FBXL22: variants seen among roughly 807,000 people sequenced by gnomAD.
The protein encoded by FBXL22 is F-box and leucine rich repeat protein 22.
Under a neutral mutation model 11.7 loss-of-function variants are expected in FBXL22, and 13 were observed. That is an observed-to-expected ratio of 1.11 (90% CI 0.73 to 1.77). The LOEUF (loss-of-function observed/expected upper bound fraction) is 1.77. Among genes scored for constraint, FBXL22 ranks in the 40% most tolerant of loss-of-function variants. FBXL22 has a pLI of 0.00. For synonymous variants in FBXL22, 160 were observed against 144.1 expected (o/e 1.11, Z -0.79); for missense variants, 406 against 320.4 (o/e 1.27, Z -2.04).
intron 1 of FBXL22, chr15:63,599,129 G>C: frequency 2.2e-6 from 3 of 1,348,860 alleles, no homozygotes; most frequent in Non-Finnish European, 3.1e-6. Context: ...TCTATAAAAT[G>C]TGCTAAATTT....
chr15:63,607,062 T>C (rs1239908323), downstream of FBXL22, among the ~76,000 whole-genome samples: 2 of 145,274 alleles, frequency 1.4e-5, no homozygotes, highest in Non-Finnish European at 3.0e-5. Flanking sequence ...AGATGCTTTT[T>C]TTTTTTTTTT....
At chr15:63,599,403 T>G (rs2067327693) in intron 1 of FBXL22, 16 of 1,366,972 alleles carry the variant, frequency 1.2e-5, no homozygotes, top group Non-Finnish European at 1.5e-5. Context: ...AGGTAACAAT[T>G]CCTCCCACTT....
intron 1 of FBXL22, chr15:63,600,186 C>G (rs2067344467): frequency 2.0e-6 from 2 of 986,186 alleles, no homozygotes; most frequent in Non-Finnish European, 2.4e-6. Flanking sequence ...CTAACGCGTG[C>G]CCCCACCGCC....
chr15:63,601,541 C>A, downstream of FBXL22: 1 of 1,558,066 alleles, frequency 6.4e-7, no homozygotes, highest in South Asian at 1.2e-5. Context: ...CCTCCAGGAG[C>A]CCCGGTGGTG....
In FBXL22 at chr15:63,600,818, GTCACCAACCGCA is replaced by G; in HGVS notation, c.476_487del (p.Val159_Thr163delinsAla). 8.1e-7 allele frequency: 1 copy of G among 1,230,832 alleles called. No individual in the cohort carries two copies. Among genetic ancestry groups the G allele is most frequent in the Non-Finnish European group, 1.0e-6 (1 of 987,342 alleles). 76.2% of individuals were successfully genotyped at this position (1,230,832 alleles called of 1,614,324 possible). A position where few individuals can be genotyped will look rare whatever the true frequency, so the allele number is the denominator to read the frequency against. ...ACTGCGCCTGGAGAACTGCGCGCGC[GTCACCAACCGCA>G]CGTTGGCTGCCGTGGCGGCGGACGG... On this transcript the variant is annotated inframe_deletion, in exon 2 of 2. Transcript: ENST00000638704.
downstream of FBXL22, among the ~76,000 whole-genome samples, chr15:63,605,686 A>G (rs1399001553): frequency 2.0e-5 from 3 of 152,258 alleles, no homozygotes; most frequent in Non-Finnish European, 2.9e-5. Context: ...GGGATTATCT[A>G]TGCCCTCACA....
chr15:63,600,293 G>T, intron 1 of FBXL22: 1 of 1,006,268 alleles, frequency 9.9e-7, no homozygotes, highest in Non-Finnish European at 1.2e-6. Flanking sequence ...GCCTCAGCTT[G>T]AAGCTAGACT....
intron 1 of FBXL22, chr15:63,600,450 G>T: frequency 8.2e-7 from 1 of 1,212,270 alleles, no homozygotes; most frequent in Non-Finnish European, 1.0e-6. Flanking sequence ...CTTCCCACTA[G>T]GGGCTCCCAA....
In FBXL22 at chr15:63,601,213, C is replaced by T. The variant is rs2067366127; in HGVS notation, c.*174C>T. The T allele has an allele frequency of 3.3e-6, 5 of 1,493,420 alleles. No homozygotes were observed. The highest frequency in any genetic ancestry group is 1.4e-5 in the African/African-American group (1 of 70,302). The allele number at this position is 1,493,420 out of a possible 1,614,324, so 92.5% of individuals were successfully genotyped here. On this transcript the variant is annotated 3_prime_UTR_variant, in exon 2 of 2. Coordinates refer to ENST00000638704, the MANE Select transcript of FBXL22 (RefSeq NM_001367807.1). ...GTTACGATTTTATACATAGGATAAA[C>T]GCAAGATTAAATGGATATTTGGAAA... is the stretch of plus-strand genomic sequence containing the variant.
At position 63,597,874 on chromosome 15, in the gene FBXL22, C is replaced by A; in HGVS notation, c.353+129C>A. ...GGGGCGCCTCAAACTAGGCCCAAGG[C>A]AGACATCCAGACCGCCCAAAGCAGG... On this transcript the variant is annotated intron_variant, in intron 1 of 1. Coordinates refer to ENST00000638704, the MANE Select transcript of FBXL22 (RefSeq NM_001367807.1). The surrounding 1 kb of genome is among the most constrained non-coding windows in gnomAD (Gnocchi z 4.3). 3.9e-6 allele frequency: 3 copies of A among 776,802 alleles called. No individual in the cohort carries two copies. The highest frequency in any genetic ancestry group is 6.0e-6 in the Non-Finnish European group (3 of 498,452). 48.1% of individuals were successfully genotyped at this position (776,802 alleles called of 1,614,324 possible).
rs2067356674 is a variant in FBXL22 at position 63,600,791 on chromosome 15, G to T, written c.448G>T (p.Ala150Ser). The T allele has an allele frequency of 8.1e-7, 1 of 1,231,200 alleles. No homozygotes were observed. The highest frequency in any genetic ancestry group is 1.0e-6 in the Non-Finnish European group (1 of 987,582). The allele number at this position is 1,231,200 out of a possible 1,614,324, so 76.3% of individuals were successfully genotyped here. ...RLLRCCPRLR[A>S]LRLENCARVT... is the part of the protein sequence containing the mutation. ...GCTGCGCTGCTGCCCACGCCTGCGC[G>T]CACTGCGCCTGGAGAACTGCGCGCG... The change falls in exon 2 of 2, where the codon GCA (alanine) becomes TCA (serine). Residue 150 changes from alanine to serine, a missense_variant. By Grantham distance (99) the Ala-to-Ser change is moderately conservative. Transcript: ENST00000638704.
chr15:63,601,640 G>C (rs369319834), downstream of FBXL22: 155 of 1,606,054 alleles, frequency 9.7e-5, no homozygotes, highest in Non-Finnish European at 1.1e-4. Flanking sequence ...GCCCGCACGC[G>C]CGTCTGCCCG....
downstream of FBXL22, among the ~76,000 whole-genome samples, chr15:63,605,646 T>C (rs1055385156): frequency 6.6e-6 from 1 of 152,220 alleles, no homozygotes; most frequent in African/African-American, 2.4e-5. Context: ...GGAAGCCTGA[T>C]TGTATTCCCG....
At chr15:63,605,379 G>C (rs538871305), downstream of FBXL22, among the ~76,000 whole-genome samples, 5 of 152,308 alleles carry the variant, frequency 3.3e-5, no homozygotes, top group African/African-American at 9.6e-5. Flanking sequence ...TGGGGGATAG[G>C]GGGAGGTATC....
In FBXL22 at chr15:63,600,015, G is replaced by A. The variant is rs1459904897; in HGVS notation, c.354-682G>A. ...AGGGGCTGGTGAGGCTGCAGCAGAG[G>A]GTCCCCCAAGCTTTCTGGCCAAGCG... On this transcript the variant is annotated intron_variant, in intron 1 of 1. Transcript: ENST00000638704. 6.1e-6 allele frequency: 6 copies of A among 985,680 alleles called. No homozygotes were observed. The African/African-American group carries it at 1.0e-4, about 17-fold the overall frequency. The allele number at this position is 985,680 out of a possible 1,614,324, so 61.1% of individuals were successfully genotyped here. A position where few individuals can be genotyped will look rare whatever the true frequency, so the allele number is the denominator to read the frequency against.
Position 63,597,825 on chromosome 15 carries a change from C to A in FBXL22, c.353+80C>A. 1 of 1,362,316 alleles carries A rather than the reference C, an allele frequency of 7.3e-7. No individual in the cohort carries two copies. The highest frequency in any genetic ancestry group is 9.8e-7 in the Non-Finnish European group (1 of 1,016,364). 84.4% of individuals were successfully genotyped at this position (1,362,316 alleles called of 1,614,324 possible). ...TTGGGGGGCAGGGAAGAGCAAATTA[C>A]GAGACCAAGATGGCTCCACCTTCGG... On this transcript the variant is annotated intron_variant, in intron 1 of 1. Coordinates refer to ENST00000638704, the MANE Select transcript of FBXL22 (RefSeq NM_001367807.1). This position sits in a 1 kb window ranked among gnomAD's most constrained non-coding sequence, Gnocchi z 4.3.
At chr15:63,599,910 A>G in intron 1 of FBXL22, 1 of 985,616 alleles carries the variant, frequency 1.0e-6, no homozygotes. Context: ...CCCCCCACGC[A>G]GAGGAAATGA....
At chr15:63,599,287 C>T (rs2067325944) in intron 1 of FBXL22, 14 of 1,492,446 alleles carry the variant, frequency 9.4e-6, no homozygotes, top group South Asian at 2.6e-5. Context: ...GGGGACAGTC[C>T]GCTCTTTGTT....
At position 63,600,907 on chromosome 15, in the gene FBXL22, C is replaced by T. The variant is rs1378678561; in HGVS notation, c.564C>T (p.Ala188=). ...HVDFCRNVSA[A]GLRRLRAACP... ...ACTTCTGCCGCAACGTGAGCGCGGC[C>T]GGCCTGCGCCGCCTGCGCGCCGCGT... The change falls in exon 2 of 2, where the codon GCC becomes GCT. Residue 188 remains alanine, a synonymous_variant. Coordinates refer to ENST00000638704, the MANE Select transcript of FBXL22 (RefSeq NM_001367807.1). The T allele has an allele frequency of 6.3e-5, 77 of 1,219,660 alleles. No individual in the cohort carries two copies. The highest frequency in any genetic ancestry group is 6.9e-5 in the Non-Finnish European group (68 of 980,098). 75.6% of individuals were successfully genotyped at this position (1,219,660 alleles called of 1,614,324 possible). A position where few individuals can be genotyped will look rare whatever the true frequency, so the allele number is the denominator to read the frequency against.
Sources: allele counts gnomAD v4.1 joint callset (sites outside exome capture counted in the v4.1 genomes callset), GRCh38; gene constraint gnomAD v4.1.1; non-coding constraint Gnocchi (gnomAD v3.1); transcripts MANE v1.5; gene names NCBI Gene and HGNC (gene_info 2026-07-23, HGNC 2026-07-21).